GRK3: variants seen among roughly 807,000 people sequenced by gnomAD.
GRK3 encodes the protein adrenergic, beta, receptor kinase 2.
In GRK3, 54 loss-of-function variants were observed where a neutral mutation model predicts 95.7. The ratio of observed to expected loss-of-function variants is 0.56; its 90% CI spans 0.45 to 0.71. The LOEUF is 0.71. GRK3 is among the 30% of genes least tolerant of loss of function. The probability of loss-of-function intolerance (pLI) is 0.00; values close to 1 mark genes in which losing one functional copy is unlikely to be tolerated. For synonymous variants in GRK3, 281 were observed against 290.8 expected (o/e 0.97, Z 0.34); for missense variants, 649 against 851.2 (o/e 0.76, Z 2.96).
At chr22:25,651,320 A>G (rs562653925) in intron 3 of GRK3, among the ~76,000 whole-genome samples, 3 of 152,222 alleles carry the variant, frequency 2.0e-5, no homozygotes, top group African/African-American at 7.2e-5. Flanking sequence ...TATTTTCAGG[A>G]TATAATTCTT....
At chr22:25,651,280 C>G (rs1397111765) in intron 3 of GRK3, among the ~76,000 whole-genome samples, 1 of 152,060 alleles carries the variant, frequency 6.6e-6, no homozygotes, top group East Asian at 1.9e-4. Flanking sequence ...TACAGTCACA[C>G]CTTAAATTAA....
chr22:25,626,581 T>TA (rs1230014633), intron 2 of GRK3, among the ~76,000 whole-genome samples: 1 of 152,172 alleles, frequency 6.6e-6, no homozygotes, highest in African/African-American at 2.4e-5. Context: ...CAGATGACTT[T>TA]AAAAAAATAC....
At chr22:25,590,363 T>C (rs1821172753) in intron 1 of GRK3, among the ~76,000 whole-genome samples, 1 of 152,160 alleles carries the variant, frequency 6.6e-6, no homozygotes, top group African/African-American at 2.4e-5. Context: ...ATAAGGTCCA[T>C]ACATTATGCC....
intron 11 of GRK3, among the ~76,000 whole-genome samples, chr22:25,689,863 C>T (rs979135076): frequency 5.3e-5 from 8 of 152,166 alleles, no homozygotes; most frequent in African/African-American, 1.4e-4. Flanking sequence ...GTTGTGGCTG[C>T]GCAACAGTCC....
rs116027115 is a variant in GRK3 at position 25,610,289 on chromosome 22, C to A, written c.190+5836C>A. Among the ~76,000 whole-genome samples the A allele has an allele frequency of 4.1e-3, 629 of 152,192 alleles. 12 individuals are homozygous for A. Among genetic ancestry groups the A allele is most frequent in the African/African-American group, 0.015 (604 of 41,524 alleles). On this transcript the variant is annotated intron_variant, in intron 2 of 20. Transcript: ENST00000324198. Reference sequence around the variant, plus strand: ...ACCAGCCTGGGCAACACAGTGAGACCCTATCTGTATAGAAATTTAAGAATA... The same window carrying A: ...ACCAGCCTGGGCAACACAGTGAGACACTATCTGTATAGAAATTTAAGAATA...
intron 6 of GRK3, 106 bp from the exon 7 acceptor site, chr22:25,672,190 G>GA (rs879338099): frequency 7.0e-6 from 4 of 574,532 alleles, no homozygotes; most frequent in Non-Finnish European, 1.2e-5. Flanking sequence ...AACTTTATTT[G>GA]ACAAGCAACC....
chr22:25,711,800 G>C (rs112348725), intron 17 of GRK3, among the ~76,000 whole-genome samples: 1 of 151,842 alleles, frequency 6.6e-6, no homozygotes, highest in Admixed American at 6.6e-5. Flanking sequence ...CCCTGCCCCC[G>C]GGCCTTCCCT....
At chr22:25,624,151 G>A (rs1358998445) in intron 2 of GRK3, among the ~76,000 whole-genome samples, 1 of 151,982 alleles carries the variant, frequency 6.6e-6, no homozygotes, top group Admixed American at 6.6e-5. Context: ...AGCGTTCATT[G>A]TGAACATGCG....
intron 1 of GRK3, among the ~76,000 whole-genome samples, chr22:25,578,252 G>A (rs906479201): frequency 6.6e-6 from 1 of 152,006 alleles, no homozygotes; most frequent in African/African-American, 2.4e-5. Flanking sequence ...TCCAGGTGTG[G>A]GTGAGATGAG....
At chr22:25,587,227 C>G (rs1932344253) in intron 1 of GRK3, among the ~76,000 whole-genome samples, 1 of 152,058 alleles carries the variant, frequency 6.6e-6, no homozygotes, top group Non-Finnish European at 1.5e-5. Context: ...ATTACATGGT[C>G]CGATTTATAT....
chr22:25,632,574 G>C (rs564592463), intron 2 of GRK3, among the ~76,000 whole-genome samples: 3 of 152,098 alleles, frequency 2.0e-5, no homozygotes, highest in Non-Finnish European at 4.4e-5. Context: ...GATCTTGTTG[G>C]ATCTTGGTGA....
intron 17 of GRK3, among the ~76,000 whole-genome samples, chr22:25,711,959 G>A (rs2085347451): frequency 1.3e-5 from 2 of 152,234 alleles, no homozygotes; most frequent in Non-Finnish European, 2.9e-5. Flanking sequence ...TAAAATGCAA[G>A]GGCCTAGCAG....
rs2085497579 is a variant in GRK3, at chr22:25,729,218, C to T, written c.*6768C>T. Reference sequence around the variant, plus strand: ...GTCAGCACCACCGTTTTTACAGTTACTTTGGAGCTGCTAGACTGGTTTTCT... The same window carrying T: ...GTCAGCACCACCGTTTTTACAGTTATTTTGGAGCTGCTAGACTGGTTTTCT... On this transcript the variant is annotated 3_prime_UTR_variant, in exon 21 of 21. Transcript: ENST00000324198. The T allele has an allele frequency of 6.6e-6, 1 of 152,236 alleles. No homozygotes were observed. Among genetic ancestry groups the T allele is most frequent in the Non-Finnish European group, 1.5e-5 (1 of 68,060 alleles). The allele number at this position is 152,236 out of a possible 1,614,324, so 9.4% of individuals were successfully genotyped here.
intron 17 of GRK3, among the ~76,000 whole-genome samples, chr22:25,712,274 C>T (rs2085349834): frequency 6.6e-6 from 1 of 152,148 alleles, no homozygotes; most frequent in African/African-American, 2.4e-5. Context: ...TGAGGGACAC[C>T]CTTCTGTGGT....
chr22:25,693,717 G>C (rs2085183292), intron 12 of GRK3, among the ~76,000 whole-genome samples: 1 of 151,778 alleles, frequency 6.6e-6, no homozygotes, highest in Non-Finnish European at 1.5e-5. Flanking sequence ...TAGTGATCCA[G>C]GATCATTTAT....
chr22:25,721,412 T>C lies in GRK3; in HGVS notation c.1905+15T>C, dbSNP rs2085431383. On this transcript the variant is annotated intron_variant, in intron 20 of 20. Transcript: ENST00000324198. ...TGCAATGTGAGGTGAGTTTTTATTT[T>C]TTCTTAGGTGAATGTTAGAATAATT... 1 of 1,382,554 alleles carries C rather than the reference T, an allele frequency of 7.2e-7. No homozygotes were observed. The highest frequency in any genetic ancestry group is 1.2e-5 in the South Asian group (1 of 81,526). 85.6% of individuals were successfully genotyped at this position (1,382,554 alleles called of 1,614,324 possible).
At chr22:25,685,864 CT>C (rs1352039475) in intron 10 of GRK3, among the ~76,000 whole-genome samples, 1 of 150,112 alleles carries the variant, frequency 6.7e-6, no homozygotes, top group Admixed American at 6.7e-5. Context: ...ACTCACATGC[CT>C]AGTTTTTTTT....
chr22:25,629,199 T>C, intron 2 of GRK3, among the ~76,000 whole-genome samples: 1 of 152,126 alleles, frequency 6.6e-6, no homozygotes, highest in South Asian at 2.1e-4. Context: ...TGCTGCTTTC[T>C]GTGGTGCTCG....
chr22:25,575,948 A>T (rs1418830255), intron 1 of GRK3, among the ~76,000 whole-genome samples: 2 of 152,224 alleles, frequency 1.3e-5, no homozygotes, highest in Non-Finnish European at 2.9e-5. Context: ...TAATCAGCCA[A>T]GTCTGCCTGA....
Sources: gnomAD v4.1 joint callset for allele counts (sites outside exome capture counted in the v4.1 genomes callset) on GRCh38, gnomAD v4.1.1 for gene constraint, MANE v1.5 for transcripts, NCBI Gene and HGNC (gene_info 2026-07-23, HGNC 2026-07-21) for gene names.